Variants in CDK17 observed in about 807,000 individuals in gnomAD.
CDK17 encodes cyclin-dependent kinase 17.
In CDK17, 24 loss-of-function variants were observed where a neutral mutation model predicts 77.6. That is an observed-to-expected ratio of 0.31 (90% CI 0.22 to 0.44). The LOEUF (loss-of-function observed/expected upper bound fraction) is 0.44. Among genes scored for constraint, CDK17 ranks in the 20% least tolerant of loss-of-function variants. CDK17 has a pLI of 1.00. For synonymous variants in CDK17, 203 were observed against 210.4 expected, an observed-to-expected ratio of 0.96 and a Z score of 0.30; for missense variants, 429 against 622.5, an observed-to-expected ratio of 0.69 and a Z score of 3.31.
At chr12:96,387,369 A>G (rs933309808) in intron 1 of CDK17, among the ~76,000 whole-genome samples, 2 of 152,218 alleles carry the variant, frequency 1.3e-5, no homozygotes, top group Non-Finnish European at 2.9e-5. Flanking sequence ...TCTATCAAGA[A>G]TTGTCTGAAA....
At chr12:96,299,636 G>A (rs1053890824) in intron 6 of CDK17, among the ~76,000 whole-genome samples, 1 of 152,090 alleles carries the variant, frequency 6.6e-6, no homozygotes, top group East Asian at 1.9e-4. Flanking sequence ...TGATTCACCC[G>A]CCTTGGCCTC....
chr12:96,358,747 C>T (rs1203023296), intron 1 of CDK17, among the ~76,000 whole-genome samples: 2 of 152,082 alleles, frequency 1.3e-5, no homozygotes, highest in Non-Finnish European at 2.9e-5. Flanking sequence ...ATTGCTTGAG[C>T]CCAGGAGGCG....
intron 1 of CDK17, among the ~76,000 whole-genome samples, chr12:96,370,907 A>G (rs1953681015): frequency 6.6e-6 from 1 of 152,142 alleles, no homozygotes; most frequent in Non-Finnish European, 1.5e-5. Flanking sequence ...AACGTTTAAG[A>G]GTATAAACAG....
chr12:96,318,016 G>A (rs12821272), intron 3 of CDK17, among the ~76,000 whole-genome samples: 7,878 of 152,092 alleles, frequency 0.052, 266 homozygotes, highest in Non-Finnish European at 0.064. Context: ...GTTGGATAAA[G>A]AGTCAAGACT....
chr12:96,374,609 C>T (rs1235581380), intron 1 of CDK17, among the ~76,000 whole-genome samples: 1 of 152,204 alleles, frequency 6.6e-6, no homozygotes. Context: ...TCTTATACTT[C>T]CTTTATAAAT....
intron 1 of CDK17, among the ~76,000 whole-genome samples, chr12:96,345,844 T>G (rs966460322): frequency 1.3e-5 from 2 of 152,016 alleles, no homozygotes; most frequent in Non-Finnish European, 2.9e-5. Context: ...ATTAGCAAAG[T>G]GCAATAAAAG....
At chr12:96,338,510 C>T (rs909632164) in intron 1 of CDK17, among the ~76,000 whole-genome samples, 1 of 152,102 alleles carries the variant, frequency 6.6e-6, no homozygotes, top group Non-Finnish European at 1.5e-5. Context: ...TCATAACTAC[C>T]AACATTTCGG....
chr12:96,393,484 G>A (rs555280707), intron 1 of CDK17, among the ~76,000 whole-genome samples: 5 of 151,470 alleles, frequency 3.3e-5, no homozygotes, highest in African/African-American at 1.2e-4. Context: ...TGTAATTCCA[G>A]CACTTTGGGA....
At chr12:96,312,341 G>A (rs1429015468) in intron 4 of CDK17, among the ~76,000 whole-genome samples, 1 of 151,948 alleles carries the variant, frequency 6.6e-6, no homozygotes, top group Non-Finnish European at 1.5e-5. Context: ...CTTGGTGGTG[G>A]GGAAACAAAT....
chr12:96,390,703 C>A, intron 1 of CDK17, among the ~76,000 whole-genome samples: 1 of 101,144 alleles, frequency 9.9e-6, no homozygotes, highest in African/African-American at 3.9e-5. Flanking sequence ...GGTGAGACTC[C>A]ATCTCAAAAA....
At chr12:96,335,010 T>C in intron 1 of CDK17, 145 bp from the exon 2 acceptor site, 1 of 677,248 alleles carries the variant, frequency 1.5e-6, no homozygotes, top group Non-Finnish European at 2.7e-6. Flanking sequence ...ATCCAACCCC[T>C]TTTTTAAAAA....
chr12:96,302,578 A>G (rs1952522927), intron 5 of CDK17, among the ~76,000 whole-genome samples: 1 of 152,154 alleles, frequency 6.6e-6, no homozygotes, highest in Non-Finnish European at 1.5e-5. Flanking sequence ...TGTTCCTGAA[A>G]AAAATATTTA....
At chr12:96,381,354 AT>A (rs1726245697) in intron 1 of CDK17, among the ~76,000 whole-genome samples, 1 of 98,624 alleles carries the variant, frequency 1.0e-5, no homozygotes, top group South Asian at 3.7e-4. Context: ...GTACAAAACC[AT>A]TTTTTCCTAC....
intron 5 of CDK17, among the ~76,000 whole-genome samples, chr12:96,304,527 C>A (rs940045727): frequency 5.3e-5 from 7 of 131,200 alleles, no homozygotes; most frequent in Admixed American, 4.8e-4. Context: ...CAGAGCAAGA[C>A]TCTGTCTCAA....
intron 1 of CDK17, among the ~76,000 whole-genome samples, chr12:96,364,130 A>C (rs959201038): frequency 6.6e-6 from 1 of 152,220 alleles, no homozygotes; most frequent in South Asian, 2.1e-4. Context: ...GTATTCCACC[A>C]CTATATGGAT....
At chr12:96,339,146 A>G (rs750453672) in intron 1 of CDK17, among the ~76,000 whole-genome samples, 3 of 152,224 alleles carry the variant, frequency 2.0e-5, no homozygotes, top group Non-Finnish European at 4.4e-5. Flanking sequence ...CAAAAATAAC[A>G]AAGTATTATA....
At chr12:96,330,218 C>T (rs1952948042) in intron 2 of CDK17, among the ~76,000 whole-genome samples, 1 of 151,802 alleles carries the variant, frequency 6.6e-6, no homozygotes, top group Non-Finnish European at 1.5e-5. Context: ...ACACAAGATT[C>T]TGAAATATAA....
At chr12:96,316,362 G>T (rs1442526541) in intron 3 of CDK17, among the ~76,000 whole-genome samples, 12 of 150,564 alleles carry the variant, frequency 8.0e-5, no homozygotes, top group African/African-American at 2.5e-4. Context: ...ACCGCAAGGC[G>T]GCAGCGAGGC....
intron 4 of CDK17, 73 bp from the exon 5 acceptor site, chr12:96,311,250 A>G (rs762022592): frequency 1.2e-5 from 15 of 1,239,604 alleles, no homozygotes; most frequent in Admixed American, 5.7e-5. Flanking sequence ...AGGCTCTAAC[A>G]TATTATTTCT....
Sources: allele counts gnomAD v4.1 joint callset (sites outside exome capture counted in the v4.1 genomes callset), GRCh38; gene constraint gnomAD v4.1.1; transcripts MANE v1.5; gene names NCBI Gene and HGNC (gene_info 2026-07-23, HGNC 2026-07-21).